PITPNC1: variants seen among roughly 807,000 people sequenced by gnomAD.
The protein encoded by PITPNC1 is cytoplasmic phosphatidylinositol transfer protein 1.
Under a neutral mutation model 44.7 loss-of-function variants are expected in PITPNC1, and 18 were observed. That is an observed-to-expected ratio of 0.40 (90% CI 0.28 to 0.60). The LOEUF (loss-of-function observed/expected upper bound fraction) is 0.60, where lower values mean the gene tolerates loss of function less well. PITPNC1 is among the 20% of genes least tolerant of loss of function. The pLI, the probability that PITPNC1 is intolerant of heterozygous loss-of-function variation, is 0.39. For missense variants in PITPNC1, 290 were observed against 418.4 expected, an observed-to-expected ratio of 0.69 and a Z score of 2.68; for synonymous variants, 141 against 149.6, an observed-to-expected ratio of 0.94 and a Z score of 0.42.
intron 1 of PITPNC1, among the ~76,000 whole-genome samples, chr17:67,464,744 C>CT (rs201595421): frequency 0.3 from 44,272 of 146,848 alleles, 6,783 homozygotes; most frequent in African/African-American, 0.37. Context: ...AACTCTCTCA[C>CT]TTTTTTTTTT....
intron 2 of PITPNC1, among the ~76,000 whole-genome samples, chr17:67,534,832 G>T (rs2040507067): frequency 6.6e-6 from 1 of 152,090 alleles, no homozygotes; most frequent in Non-Finnish European, 1.5e-5. Context: ...TAGCTGGGCA[G>T]TGCCCCAGTT....
chr17:67,470,540 T>A (rs143864911), intron 1 of PITPNC1, among the ~76,000 whole-genome samples: 1 of 152,164 alleles, frequency 6.6e-6, no homozygotes, highest in Non-Finnish European at 1.5e-5. Context: ...CACAATGTTT[T>A]TGAAATTCAT....
In PITPNC1 at chr17:67,395,771, A is replaced by G. The variant is rs140506143; in HGVS notation, c.48+17569A>G. Reference sequence around the variant, plus strand: ...GAAAATGAGATAGGTTTAAAGATATAAATGTGATTTTTTAAATCCTGCCCC... The same window carrying G: ...GAAAATGAGATAGGTTTAAAGATATGAATGTGATTTTTTAAATCCTGCCCC... On this transcript the variant is annotated intron_variant, in intron 1 of 8. Transcript: ENST00000581322. Among the ~76,000 whole-genome samples, 395 of 152,286 alleles carry G rather than the reference A, an allele frequency of 2.6e-3. 1 individual carries two copies. Among genetic ancestry groups the G allele is most frequent in the African/African-American group, 9.2e-3 (381 of 41,562 alleles).
At chr17:67,380,640 C>T (rs921827862) in intron 1 of PITPNC1, among the ~76,000 whole-genome samples, 4 of 152,162 alleles carry the variant, frequency 2.6e-5, no homozygotes, top group African/African-American at 9.7e-5. Flanking sequence ...TGTTAAACCC[C>T]TAGAGTCAGA....
At chr17:67,489,330 C>T (rs1372505555) in intron 1 of PITPNC1, among the ~76,000 whole-genome samples, 2 of 152,130 alleles carry the variant, frequency 1.3e-5, no homozygotes, top group African/African-American at 4.8e-5. Context: ...TAGACCTTCT[C>T]AGTTTGACCC....
chr17:67,547,978 G>A lies in PITPNC1; in HGVS notation c.198-4279G>A, dbSNP rs140707014. On this transcript the variant is annotated intron_variant, in intron 2 of 8. Transcript: ENST00000581322. ...TGTGGTGGTGGGGGGCGGCTATCCT[G>A]TGCATCATAGGAGGCTGAGCCGCAC... 4.3e-3 allele frequency among the ~76,000 whole-genome samples: 648 copies of A among 152,284 alleles called. 3 individuals carry two copies. The highest frequency in any genetic ancestry group is 0.015 in the African/African-American group (624 of 41,540).
chr17:67,685,781 A>G (rs184381352), intron 8 of PITPNC1, among the ~76,000 whole-genome samples: 3 of 152,238 alleles, frequency 2.0e-5, no homozygotes, highest in Admixed American at 2.0e-4. Context: ...ATTTATATGC[A>G]TTTCACATAC....
At chr17:67,522,341 C>T (rs979295299) in intron 1 of PITPNC1, among the ~76,000 whole-genome samples, 1 of 151,832 alleles carries the variant, frequency 6.6e-6, no homozygotes, top group African/African-American at 2.4e-5. Context: ...GCTTAGGGCA[C>T]GGCAAACAAA....
At chr17:67,672,874 A>G (rs534179214) in intron 7 of PITPNC1, among the ~76,000 whole-genome samples, 4 of 152,226 alleles carry the variant, frequency 2.6e-5, no homozygotes, top group African/African-American at 9.6e-5. Flanking sequence ...CTTTCTCTGA[A>G]CACCTTTGTT....
intron 2 of PITPNC1, among the ~76,000 whole-genome samples, chr17:67,542,907 C>T (rs1214140419): frequency 6.6e-6 from 1 of 152,162 alleles, no homozygotes; most frequent in Non-Finnish European, 1.5e-5. Flanking sequence ...GAGTTAGAGT[C>T]CACAATAATT....
At chr17:67,617,018 G>A (rs2041767398) in intron 5 of PITPNC1, among the ~76,000 whole-genome samples, 2 of 152,128 alleles carry the variant, frequency 1.3e-5, no homozygotes, top group African/African-American at 2.4e-5. Context: ...CGGTCTGAAC[G>A]CCACATTTAA....
At chr17:67,635,873 G>A (rs1429934659) in intron 6 of PITPNC1, among the ~76,000 whole-genome samples, 3 of 152,220 alleles carry the variant, frequency 2.0e-5, no homozygotes, top group South Asian at 4.1e-4. Context: ...ATTGCCTCAC[G>A]AGGATGCTTG....
At chr17:67,456,777 T>G (rs2143962859) in intron 1 of PITPNC1, among the ~76,000 whole-genome samples, 1 of 152,320 alleles carries the variant, frequency 6.6e-6, no homozygotes, top group East Asian at 1.9e-4. Flanking sequence ...TCTTTCTAAG[T>G]ACTCTTTTAT....
intron 1 of PITPNC1, among the ~76,000 whole-genome samples, chr17:67,491,185 G>T (rs2039860162): frequency 1.3e-5 from 2 of 152,226 alleles, no homozygotes; most frequent in African/African-American, 4.8e-5. Flanking sequence ...ATAGTGTGTG[G>T]CCATCAGGAT....
At chr17:67,475,207 C>T (rs1179163139) in intron 1 of PITPNC1, among the ~76,000 whole-genome samples, 1 of 152,086 alleles carries the variant, frequency 6.6e-6, no homozygotes, top group Admixed American at 6.6e-5. Context: ...GCCTTCCTCG[C>T]GGTGGAGGGT....
At chr17:67,411,261 G>C (rs2038492497) in intron 1 of PITPNC1, among the ~76,000 whole-genome samples, 1 of 152,164 alleles carries the variant, frequency 6.6e-6, no homozygotes, top group African/African-American at 2.4e-5. Context: ...CATGTGAAAG[G>C]GTTGAAGGAT....
intron 4 of PITPNC1, among the ~76,000 whole-genome samples, chr17:67,564,927 T>A (rs918821377): frequency 1.3e-5 from 2 of 152,180 alleles, no homozygotes; most frequent in African/African-American, 4.8e-5. Flanking sequence ...TTTCCCATGT[T>A]TTTCGGTGGG....
chr17:67,422,575 T>G (rs1176418531), intron 1 of PITPNC1, among the ~76,000 whole-genome samples: 1 of 151,958 alleles, frequency 6.6e-6, no homozygotes, highest in Non-Finnish European at 1.5e-5. Flanking sequence ...TGAGACAGAG[T>G]CTTGCTCTGT....
intron 8 of PITPNC1, among the ~76,000 whole-genome samples, chr17:67,675,815 G>A (rs1485065451): frequency 6.6e-6 from 1 of 152,234 alleles, no homozygotes; most frequent in Non-Finnish European, 1.5e-5. Flanking sequence ...TCTGTTAGAT[G>A]GGTTTCAAAC....
Sources: allele counts gnomAD v4.1 joint callset (sites outside exome capture counted in the v4.1 genomes callset), GRCh38; gene constraint gnomAD v4.1.1; transcripts MANE v1.5; gene names NCBI Gene and HGNC (gene_info 2026-07-23, HGNC 2026-07-21).